KLHL5: variants seen among roughly 807,000 people sequenced by gnomAD.
The protein encoded by KLHL5 is kelch-like protein 5.
KLHL5 carries 48 observed loss-of-function variants against 77.7 expected under a neutral mutation model. The observed-to-expected ratio is 0.62, with a 90% CI of 0.49 to 0.79. The LOEUF is 0.79. Among genes scored for constraint, KLHL5 ranks in the 30% least tolerant of loss-of-function variants. The pLI is 0.00. For missense variants in KLHL5, 723 were observed against 859.7 expected (o/e 0.84, Z 1.99); for synonymous variants, 260 against 297.0 (o/e 0.88, Z 1.28).
chr4:39,115,418 A>G (rs1185604185), intron 10 of KLHL5, 88 bp downstream of exon 10: 6 of 1,568,942 alleles, frequency 3.8e-6, no homozygotes, highest in African/African-American at 1.4e-5. Context: ...ATCTTGTCCA[A>G]TACTGAAATA....
the KLHL5 span, among the ~76,000 whole-genome samples, chr4:39,142,512 G>T: frequency 6.6e-6 from 1 of 152,104 alleles, no homozygotes; most frequent in African/African-American, 2.4e-5. Context: ...GAAGCACCCA[G>T]CTGTTCCTTT....
chr4:39,068,888 A>G (rs1423151861), intron 1 of KLHL5, among the ~76,000 whole-genome samples: 1 of 152,212 alleles, frequency 6.6e-6, no homozygotes, highest in African/African-American at 2.4e-5. Flanking sequence ...AACTTTAGGA[A>G]GTATATTAGT....
rs547027364 is a variant in KLHL5 at position 39,121,479 on chromosome 4, T to G, written c.*413T>G. ...TTTTGTAAGCTTATCATAAATGAGT[T>G]GCAGTAATTTGTTTGCTTGTTTGTT... On this transcript the variant is annotated 3_prime_UTR_variant, in exon 11 of 11. Coordinates refer to ENST00000504108, the MANE Select transcript of KLHL5 (RefSeq NM_015990.5). 12 of 161,534 alleles carry G rather than the reference T, an allele frequency of 7.4e-5. 1 individual carries two copies. The East Asian group carries it at 2.1e-3, about 29-fold the overall frequency. 10.0% of individuals were successfully genotyped at this position (161,534 alleles called of 1,614,324 possible).
intron 1 of KLHL5, 92 bp downstream of exon 1, chr4:39,063,127 TTATA>T (rs1402995250): frequency 2.3e-6 from 2 of 881,036 alleles, no homozygotes; most frequent in African/African-American, 3.4e-5. Context: ...TAAAATCTGA[TTATA>T]TATGTACATC....
chr4:39,125,502 A>G lies in KLHL5; in HGVS notation c.*4436A>G, dbSNP rs1422063618. Among the ~76,000 whole-genome samples, 1 of 152,218 alleles carries G rather than the reference A, an allele frequency of 6.6e-6. No homozygotes were observed. Among genetic ancestry groups the G allele is most frequent in the Non-Finnish European group, 1.5e-5 (1 of 68,038 alleles). The stretch of plus-strand genomic sequence containing the variant: ...GTGGTATCTCCACACGGCACAATAG[A>G]ATATTCAGCCATAAAGAGAAATGAG... On this transcript the variant is annotated 3_prime_UTR_variant, in exon 11 of 11. Coordinates refer to ENST00000504108, the MANE Select transcript of KLHL5 (RefSeq NM_015990.5).
chr4:39,097,550 A>G (rs898935325), intron 6 of KLHL5, among the ~76,000 whole-genome samples: 1 of 152,244 alleles, frequency 6.6e-6, no homozygotes, highest in African/African-American at 2.4e-5. Flanking sequence ...CCGCCCATCT[A>G]TGCCGTCCTT....
At chr4:39,099,360 C>T (rs1721348275) in intron 6 of KLHL5, among the ~76,000 whole-genome samples, 1 of 152,142 alleles carries the variant, frequency 6.6e-6, no homozygotes, top group Non-Finnish European at 1.5e-5. Flanking sequence ...CAGTATTATG[C>T]TAGAAGCTTT....
chr4:39,112,253 T>C (rs566346952), intron 8 of KLHL5, among the ~76,000 whole-genome samples: 9 of 152,350 alleles, frequency 5.9e-5, no homozygotes, highest in African/African-American at 2.2e-4. Flanking sequence ...ATCTACTAGG[T>C]AACATTTAGG....
chr4:39,107,483 C>T, intron 7 of KLHL5, 86 bp from the exon 8 acceptor site: 2 of 834,440 alleles, frequency 2.4e-6, no homozygotes, highest in South Asian at 2.0e-5. Context: ...ATGTTTAAGG[C>T]TTATTGTACT....
At chr4:39,063,178 G>C in intron 1 of KLHL5, 143 bp downstream of exon 1, 1 of 569,870 alleles carries the variant, frequency 1.8e-6, no homozygotes, top group Non-Finnish European at 2.8e-6. Context: ...ATGAACATGT[G>C]ATACTTCTGC....
intron 7 of KLHL5, among the ~76,000 whole-genome samples, chr4:39,106,936 C>T (rs910497822): frequency 2.0e-5 from 3 of 151,576 alleles, no homozygotes; most frequent in African/African-American, 7.3e-5. Context: ...AGAGATGGCA[C>T]TCTTGCTGTG....
chr4:39,111,300 A>G lies in KLHL5; in HGVS notation c.1689-1720A>G, dbSNP rs191786322. 3.7e-4 allele frequency among the ~76,000 whole-genome samples: 56 copies of G among 152,366 alleles called. 1 individual carries two copies. The highest frequency in any genetic ancestry group is 1.3e-3 in the African/African-American group (53 of 41,588). On this transcript the variant is annotated intron_variant, in intron 8 of 10. Transcript: ENST00000504108. ...AAGCATCCTGTGAGGCAGGATTTAT[A>G]GATGATGAAATTCAGTTGGAGGTTA...
intron 6 of KLHL5, among the ~76,000 whole-genome samples, chr4:39,099,565 AT>A (rs1721365997): frequency 6.6e-6 from 1 of 152,104 alleles, no homozygotes; most frequent in African/African-American, 2.4e-5. Flanking sequence ...CAGGCCAAAC[AT>A]TTTATCCATA....
intron 1 of KLHL5, among the ~76,000 whole-genome samples, chr4:39,052,866 T>C (rs1015392800): frequency 6.6e-6 from 1 of 152,210 alleles, no homozygotes; most frequent in African/African-American, 2.4e-5. Context: ...CCATTGGAGT[T>C]TGGGAGGACT....
At chr4:39,133,584 A>G in the KLHL5 span, among the ~76,000 whole-genome samples, 1 of 146,588 alleles carries the variant, frequency 6.8e-6, no homozygotes, top group Non-Finnish European at 1.5e-5. Context: ...AAAAAAAAAA[A>G]GTTTTTAATT....
At chr4:39,119,269 C>T (rs554776847) in intron 10 of KLHL5, among the ~76,000 whole-genome samples, 4 of 152,236 alleles carry the variant, frequency 2.6e-5, no homozygotes, top group Non-Finnish European at 5.9e-5. Context: ...AATGTGAACT[C>T]GTTATCATAG....
chr4:39,069,045 C>T (rs1341834228), intron 1 of KLHL5, among the ~76,000 whole-genome samples: 1 of 152,164 alleles, frequency 6.6e-6, no homozygotes, highest in Non-Finnish European at 1.5e-5. Context: ...TTCAGAGACC[C>T]AGGTTCCTGT....
intron 2 of KLHL5, among the ~76,000 whole-genome samples, chr4:39,078,265 A>G (rs1719268697): frequency 1.3e-5 from 2 of 152,258 alleles, no homozygotes; most frequent in Admixed American, 6.5e-5. Flanking sequence ...AGGTACCTGT[A>G]ATCCCAGCTC....
chr4:39,058,314 T>G (rs977308648), upstream of KLHL5, among the ~76,000 whole-genome samples: 1 of 152,160 alleles, frequency 6.6e-6, no homozygotes, highest in Non-Finnish European at 1.5e-5. Context: ...CATTGTGATT[T>G]TTCTCCTAAG....
Sources: gnomAD v4.1 joint callset for allele counts (sites outside exome capture counted in the v4.1 genomes callset) on GRCh38, gnomAD v4.1.1 for gene constraint, MANE v1.5 for transcripts, NCBI Gene and HGNC (gene_info 2026-07-23, HGNC 2026-07-21) for gene names.